Variants in ITGA4 observed in about 807,000 individuals in gnomAD.
The protein encoded by ITGA4 is integrin subunit alpha 4, also known as integrin alpha-4.
A neutral mutation model predicts 133.6 loss-of-function variants in ITGA4; 63 were observed. That is an observed-to-expected ratio of 0.47 (90% CI 0.38 to 0.58). The LOEUF is 0.58. Ranked by LOEUF, ITGA4 falls within the 20% of genes least tolerant of loss-of-function variation. The pLI is 0.00. For missense variants in ITGA4, 1,076 were observed against 1,252.7 expected (o/e 0.86, Z 2.13); for synonymous variants, 483 against 438.0 (o/e 1.10, Z -1.28).
chr2:181,457,557 C>T lies in ITGA4; in HGVS notation c.-98C>T, dbSNP rs1685152715. On this transcript the variant is annotated 5_prime_UTR_variant, in exon 1 of 28. Transcript: ENST00000397033. Reference sequence around the variant, plus strand: ...CGCTGGCGCCGGACACGCTGCGCCTCATCTCTTGGGGCGTTCTTCCCCGTT... The same window carrying T: ...CGCTGGCGCCGGACACGCTGCGCCTTATCTCTTGGGGCGTTCTTCCCCGTT... 1 of 1,107,294 alleles carries T rather than the reference C, an allele frequency of 9.0e-7. No individual in the cohort carries two copies. Among genetic ancestry groups the T allele is most frequent in the Non-Finnish European group, 1.3e-6 (1 of 776,116 alleles). 68.6% of individuals were successfully genotyped at this position (1,107,294 alleles called of 1,614,324 possible).
At chr2:181,496,107 T>C (rs778441456) in intron 14 of ITGA4, among the ~76,000 whole-genome samples, 170 bp downstream of exon 14, 8 of 152,216 alleles carry the variant, frequency 5.3e-5, no homozygotes, top group Admixed American at 2.0e-4. Context: ...TCTTGCGTTG[T>C]TCTAACCAAT....
chr2:181,457,576 C>A lies in ITGA4; in HGVS notation c.-79C>A. ...GCGCCTCATCTCTTGGGGCGTTCTT[C>A]CCCGTTGGCCAACCGTCGCATCCCG... On this transcript the variant is annotated 5_prime_UTR_variant, in exon 1 of 28. Coordinates refer to ENST00000397033, the MANE Select transcript of ITGA4 (RefSeq NM_000885.6). The A allele has an allele frequency of 7.5e-7, 1 of 1,332,786 alleles. No homozygotes were observed. The highest frequency in any genetic ancestry group is 1.3e-5 in the South Asian group (1 of 75,402). 82.6% of individuals were successfully genotyped at this position (1,332,786 alleles called of 1,614,324 possible).
intron 24 of ITGA4, among the ~76,000 whole-genome samples, chr2:181,531,033 T>C (rs1686934294): frequency 6.6e-6 from 1 of 151,982 alleles, no homozygotes; most frequent in African/African-American, 2.4e-5. Flanking sequence ...GAGAATTGCT[T>C]GAATCCGGGA....
chr2:181,510,263 T>G (rs759478100), intron 16 of ITGA4, among the ~76,000 whole-genome samples: 2 of 152,166 alleles, frequency 1.3e-5, no homozygotes, highest in African/African-American at 2.4e-5. Flanking sequence ...TACAGACACA[T>G]GTATTTATGT....
rs1315003450 is a variant in ITGA4, at chr2:181,482,521, C to T, written c.911C>T (p.Ser304Leu). The T allele has an allele frequency of 2.5e-6, 4 of 1,613,656 alleles. No homozygotes were observed. The highest frequency in any genetic ancestry group is 1.1e-5 in the South Asian group (1 of 91,054). Residue 304 changes from serine to leucine, a missense_variant, in exon 9 of 28, where the codon TCG becomes TTG. By Grantham distance (145) the Ser-to-Leu change is moderately radical. Transcript: ENST00000397033. ...TGGTTTGTTTTGGGACAGCTTGGAT[C>T]GTACTTTGGAGCTTCTGTCTGTGCT... The part of the protein sequence containing the change: ...LHEMKGKKLG[S>L]YFGASVCAVD...
At chr2:181,521,883 A>C (rs969481186) in intron 17 of ITGA4, among the ~76,000 whole-genome samples, 2 of 152,222 alleles carry the variant, frequency 1.3e-5, no homozygotes, top group Non-Finnish European at 2.9e-5. Flanking sequence ...CGAAATAATC[A>C]GGAAAATGTT....
In ITGA4 at chr2:181,536,846, A is replaced by G. The variant is rs1402068552; in HGVS notation, c.*1319A>G. On this transcript the variant is annotated 3_prime_UTR_variant, in exon 28 of 28. Coordinates refer to ENST00000397033, the MANE Select transcript of ITGA4 (RefSeq NM_000885.6). ...TCATTTTATCTGACTCTGCCTTCAT[A>G]AGAGAGCTGTGGCCGAATTTTGAAC... 2 of 420,798 alleles carry G rather than the reference A, an allele frequency of 4.8e-6. No individual in the cohort carries two copies. The highest frequency in any genetic ancestry group is 9.5e-6 in the Non-Finnish European group (2 of 210,400). The allele number at this position is 420,798 out of a possible 1,614,324, so 26.1% of individuals were successfully genotyped here. A position where few individuals can be genotyped will look rare whatever the true frequency, so the allele number is the denominator to read the frequency against.
At chr2:181,491,178 G>T (rs978260584) in intron 10 of ITGA4, among the ~76,000 whole-genome samples, 1 of 152,252 alleles carries the variant, frequency 6.6e-6, no homozygotes, top group East Asian at 1.9e-4. Context: ...TGGCTGAAAA[G>T]GCTCATCTGT....
chr2:181,477,012 C>A, intron 4 of ITGA4, among the ~76,000 whole-genome samples: 1 of 152,090 alleles, frequency 6.6e-6, no homozygotes, highest in South Asian at 2.1e-4. Context: ...TGAAAAACTA[C>A]CTATCAGGTA....
In ITGA4 at chr2:181,498,740, G is replaced by A; in HGVS notation, c.1658G>A (p.Arg553Lys). 2 of 1,612,000 alleles carry A rather than the reference G, an allele frequency of 1.2e-6. No individual in the cohort carries two copies. The highest frequency in any genetic ancestry group is 1.7e-6 in the Non-Finnish European group (2 of 1,178,884). Residue 553 changes from arginine to lysine, a missense_variant, in exon 15 of 28, where the codon AGA (arginine) becomes AAA (lysine). By Grantham distance (26) the Arg-to-Lys change is conservative. This residue lies in a region of ITGA4 where 365 missense variants were observed against 421.4 expected (regional missense o/e 0.87). Coordinates refer to ENST00000397033, the MANE Select transcript of ITGA4 (RefSeq NM_000885.6). ...ACAGGAAGCATACAGGTGTCCAGCA[G>A]AGAAGCTAACTGTAGAACACATCAA... ...VITGSIQVSSREANCRTHQAF... is the reference protein window; with the variant it reads ...VITGSIQVSSKEANCRTHQAF...
chr2:181,498,707 A>C lies in ITGA4; in HGVS notation c.1625A>C (p.Asp542Ala). 3 of 1,612,822 alleles carry C rather than the reference A, an allele frequency of 1.9e-6. No individual in the cohort carries two copies. Among genetic ancestry groups the C allele is most frequent in the Non-Finnish European group, 2.5e-6 (3 of 1,179,076 alleles). ...RFYFSSNGTS[D>A]VITGSIQVSS... Reference sequence around the variant, plus strand: ...TATTTCTCTTCTAATGGAACTTCTGACGTGATTACAGGAAGCATACAGGTG... The same window carrying C: ...TATTTCTCTTCTAATGGAACTTCTGCCGTGATTACAGGAAGCATACAGGTG... Residue 542 changes from aspartate (D) to alanine (A), a missense_variant, in exon 15 of 28, where the codon GAC becomes GCC. Around this residue, in one of 4 missense-constraint regions of ITGA4, gnomAD observed 365 missense variants for 421.4 expected, o/e 0.87. Coordinates refer to ENST00000397033, the MANE Select transcript of ITGA4 (RefSeq NM_000885.6).
At chr2:181,460,041 G>A (rs765710117) in intron 2 of ITGA4, among the ~76,000 whole-genome samples, 1 of 152,214 alleles carries the variant, frequency 6.6e-6, no homozygotes, top group African/African-American at 2.4e-5. Flanking sequence ...TAGTAGATAT[G>A]TCATAGATAT....
intron 17 of ITGA4, 152 bp from the exon 18 acceptor site, chr2:181,522,039 T>A (rs188925910): frequency 1.2e-5 from 5 of 430,052 alleles, no homozygotes; most frequent in African/African-American, 1.0e-4. Flanking sequence ...GTTTTACATC[T>A]GCTTGCATAG....
At chr2:181,458,454 A>G (rs1005580264) in intron 2 of ITGA4, 137 bp downstream of exon 2, 3 of 939,706 alleles carry the variant, frequency 3.2e-6, no homozygotes, top group Non-Finnish European at 4.9e-6. Flanking sequence ...TTTCAACTCC[A>G]TCTCATCTTG....
rs1686600412 is a variant in ITGA4, at chr2:181,516,079, C to T, written c.1922+4304C>T. On this transcript the variant is annotated intron_variant, in intron 17 of 27. Coordinates refer to ENST00000397033, the MANE Select transcript of ITGA4 (RefSeq NM_000885.6). The surrounding 1 kb of genome is among the most constrained non-coding windows in gnomAD (Gnocchi z 4.0). Reference sequence around the variant, plus strand: ...ATAAACTGCATTTATAAAGGACTTGCAGTGCAAAATAAAGATGAACCAACA... The same window carrying T: ...ATAAACTGCATTTATAAAGGACTTGTAGTGCAAAATAAAGATGAACCAACA... 6.6e-6 allele frequency among the ~76,000 whole-genome samples: 1 copy of T among 151,944 alleles called. No individual in the cohort carries two copies. The highest frequency in any genetic ancestry group is 6.6e-5 in the Admixed American group (1 of 15,232).
Position 181,523,471 on chromosome 2 carries a change from A to G in ITGA4, c.2108A>G (p.Asn703Ser). The G allele has an allele frequency of 1.2e-6, 2 of 1,610,386 alleles. No homozygotes were observed. Among genetic ancestry groups the G allele is most frequent in the Non-Finnish European group, 8.5e-7 (1 of 1,176,828 alleles). The change falls in exon 19 of 28, where the codon AAC becomes AGC. Residue 703 changes from asparagine (N) to serine (S), a missense_variant. Physicochemically the swap from Asn to Ser is conservative, Grantham distance 46. Transcript: ENST00000397033. This position sits in a 1 kb window ranked among gnomAD's most constrained non-coding sequence, Gnocchi z 4.2. Reference protein sequence around the residue: ...EKQINCEVTDNSGVVQLDCSI... With the variant: ...EKQINCEVTDSSGVVQLDCSI... The stretch of plus-strand genomic sequence containing the variant: ...CAAATAAACTGTGAAGTCACAGATA[A>G]CTCTGGCGTGGTACAACTTGACTGC...
chr2:181,536,533 C>A lies in ITGA4; in HGVS notation c.*1006C>A, dbSNP rs1369242582. ...CACAACTATTTCCTTGGATGTAATT[C>A]TTTGTTACCCTTTACAAGTATAAGT... On this transcript the variant is annotated 3_prime_UTR_variant, in exon 28 of 28. Transcript: ENST00000397033. The A allele has an allele frequency of 3.9e-5, 3 of 76,094 alleles. No individual in the cohort carries two copies. The highest frequency in any genetic ancestry group is 6.0e-4 in the South Asian group (1 of 1,670). The allele number at this position is 76,094 out of a possible 1,614,324, so 4.7% of individuals were successfully genotyped here.
intron 2 of ITGA4, among the ~76,000 whole-genome samples, chr2:181,467,707 G>A (rs1685453228): frequency 6.6e-6 from 1 of 152,100 alleles, no homozygotes; most frequent in Non-Finnish European, 1.5e-5. Context: ...TTCAGAAAGT[G>A]GAATAGATTT....
chr2:181,518,371 T>C (rs1028634795), intron 17 of ITGA4, among the ~76,000 whole-genome samples: 18 of 152,100 alleles, frequency 1.2e-4, no homozygotes, highest in Admixed American at 9.8e-4. Flanking sequence ...TCTCCATGTC[T>C]GGAGGAGTTA....
Sources: allele counts gnomAD v4.1 joint callset (sites outside exome capture counted in the v4.1 genomes callset), GRCh38; gene constraint gnomAD v4.1.1; regional missense constraint gnomAD v4.1.1; non-coding constraint Gnocchi (gnomAD v3.1); transcripts MANE v1.5; gene names NCBI Gene and HGNC (gene_info 2026-07-23, HGNC 2026-07-21).